Variants in GALNTL6 observed in about 807,000 individuals in gnomAD.
The protein encoded by GALNTL6 is polypeptide N-acetylgalactosaminyltransferase like 6.
GALNTL6 carries 46 observed loss-of-function variants against 73.7 expected under a neutral mutation model. The observed-to-expected ratio is 0.62, with a 90% CI of 0.49 to 0.80. GALNTL6 has a LOEUF of 0.80. GALNTL6 is among the 30% of genes least tolerant of loss of function. GALNTL6 has a pLI of 0.00. For missense variants in GALNTL6, 604 were observed against 755.0 expected (o/e 0.80, Z 2.34); for synonymous variants, 259 against 263.7 (o/e 0.98, Z 0.17).
At chr4:172,408,793 T>G (rs1289787798) in intron 5 of GALNTL6, among the ~76,000 whole-genome samples, 1 of 152,086 alleles carries the variant, frequency 6.6e-6, no homozygotes, top group Non-Finnish European at 1.5e-5. Flanking sequence ...TTGCTGACAC[T>G]GGCTCTACTT....
At chr4:171,952,442 C>T (rs1416323283) in intron 2 of GALNTL6, among the ~76,000 whole-genome samples, 1 of 151,554 alleles carries the variant, frequency 6.6e-6, no homozygotes, top group Non-Finnish European at 1.5e-5. Flanking sequence ...AATTATAAAC[C>T]AATCTCAACT....
chr4:172,658,173 A>G (rs1054974259), intron 5 of GALNTL6, among the ~76,000 whole-genome samples: 3 of 128,274 alleles, frequency 2.3e-5, no homozygotes, highest in Non-Finnish European at 4.9e-5. Flanking sequence ...AAAAAAAGAA[A>G]TATCTTTGTG....
At chr4:172,901,959 C>T (rs936424605) in intron 8 of GALNTL6, among the ~76,000 whole-genome samples, 1 of 152,110 alleles carries the variant, frequency 6.6e-6, no homozygotes, top group African/African-American at 2.4e-5. Flanking sequence ...TCAGAATTAT[C>T]CAACTGTCTT....
intron 5 of GALNTL6, among the ~76,000 whole-genome samples, chr4:172,480,533 A>G (rs571502959): frequency 2.4e-4 from 36 of 152,234 alleles, no homozygotes; most frequent in Non-Finnish European, 4.9e-4. Flanking sequence ...TAGGGATCAT[A>G]CAGATAAAAA....
At chr4:172,439,296 A>G in intron 5 of GALNTL6, among the ~76,000 whole-genome samples, 1 of 151,798 alleles carries the variant, frequency 6.6e-6, no homozygotes, top group Non-Finnish European at 1.5e-5. Flanking sequence ...TGTCAAGATC[A>G]CCAGTGACCC....
intron 2 of GALNTL6, among the ~76,000 whole-genome samples, chr4:172,161,214 C>T (rs1281811253): frequency 6.6e-6 from 1 of 151,716 alleles, no homozygotes; most frequent in Non-Finnish European, 1.5e-5. Context: ...ATGTAACCAC[C>T]ATAGATATTC....
chr4:171,958,443 T>C (rs539191677), intron 2 of GALNTL6, among the ~76,000 whole-genome samples: 8 of 152,074 alleles, frequency 5.3e-5, no homozygotes, highest in African/African-American at 1.9e-4. Context: ...AAAATTTTTG[T>C]TTTTTTAACA....
At chr4:172,329,847 A>C (rs1409474195) in intron 4 of GALNTL6, among the ~76,000 whole-genome samples, 1 of 152,016 alleles carries the variant, frequency 6.6e-6, no homozygotes, top group Non-Finnish European at 1.5e-5. Context: ...GTGGCTAGTG[A>C]CCCCAGCCAG....
intron 8 of GALNTL6, among the ~76,000 whole-genome samples, chr4:172,891,262 T>C (rs933110439): frequency 6.6e-6 from 1 of 152,180 alleles, no homozygotes; most frequent in Non-Finnish European, 1.5e-5. Flanking sequence ...ATAGGGTCTA[T>C]AGACTACATA....
In GALNTL6 at chr4:172,494,603, A is replaced by G. The variant is rs555021258; in HGVS notation, c.553+145914A>G. 2.6e-5 allele frequency among the ~76,000 whole-genome samples: 4 copies of G among 152,312 alleles called. No individual in the cohort carries two copies. The East Asian group carries it at 7.7e-4, about 29-fold the overall frequency. ...GCAGGGAAGCCAGTCCGAGTCCCAA[A>G]ACCACAAAAGTTGAGAAGTCAACAG... On this transcript the variant is annotated intron_variant, in intron 5 of 12. Transcript: ENST00000506823.
rs1052551874 is a variant in GALNTL6, at chr4:171,813,425, G to C, written c.-735G>C. ...CGTGGCAGACACCAGCGACGTCTCC[G>C]CGGAAGGCAGGCGCCGGGGAGTGGG... On this transcript the variant is annotated 5_prime_UTR_variant, in exon 1 of 13. Transcript: ENST00000506823. This position sits in a 1 kb window ranked among gnomAD's most constrained non-coding sequence, Gnocchi z 5.2. 1 of 152,244 alleles carries C rather than the reference G, an allele frequency of 6.6e-6. No homozygotes were observed. 9.4% of individuals were successfully genotyped at this position (152,244 alleles called of 1,614,324 possible).
Position 172,013,556 on chromosome 4 carries a change from CTT to C in GALNTL6, c.138+198841_138+198842del, listed in dbSNP as rs201247742. ...TATTTCACATTTCTCTTTTTAAAAT[CTT>C]TTCTTTTTAATTTTTTGTGGGTACA... is the stretch of plus-strand genomic sequence containing the variant. On this transcript the variant is annotated intron_variant, in intron 2 of 12. Transcript: ENST00000506823. Among the ~76,000 whole-genome samples, 1,452 of 151,652 alleles carry C rather than the reference CTT, an allele frequency of 9.6e-3. 14 individuals carry two copies. Among genetic ancestry groups the C allele is most frequent in the East Asian group, 0.037 (192 of 5,146 alleles).
At chr4:172,684,316 A>T (rs1002503109) in intron 5 of GALNTL6, among the ~76,000 whole-genome samples, 2 of 152,158 alleles carry the variant, frequency 1.3e-5, no homozygotes, top group Non-Finnish European at 2.9e-5. Context: ...ACATCTAGTT[A>T]TATGTTCATT....
intron 5 of GALNTL6, among the ~76,000 whole-genome samples, chr4:172,559,925 C>T (rs1298318909): frequency 6.6e-6 from 1 of 152,078 alleles, no homozygotes; most frequent in Non-Finnish European, 1.5e-5. Flanking sequence ...TTATGCTTTA[C>T]ATAAGAAATA....
At chr4:172,420,299 T>C (rs1327239900) in intron 5 of GALNTL6, among the ~76,000 whole-genome samples, 2 of 152,166 alleles carry the variant, frequency 1.3e-5, no homozygotes, top group Non-Finnish European at 2.9e-5. Flanking sequence ...TTAGGGATAG[T>C]CCGTGGTGTA....
intron 5 of GALNTL6, among the ~76,000 whole-genome samples, chr4:172,553,157 C>CT (rs1736025919): frequency 6.6e-6 from 1 of 152,046 alleles, no homozygotes; most frequent in South Asian, 2.1e-4. Flanking sequence ...GTTTTCTGGC[C>CT]TATACAATTA....
At chr4:171,909,410 C>T (rs1026993614) in intron 2 of GALNTL6, among the ~76,000 whole-genome samples, 39 of 152,118 alleles carry the variant, frequency 2.6e-4, no homozygotes, top group Admixed American at 1.7e-3. Flanking sequence ...CTGATGCTGG[C>T]TTTCACCTTG....
At chr4:171,879,451 G>A (rs1006073939) in intron 2 of GALNTL6, among the ~76,000 whole-genome samples, 1 of 151,728 alleles carries the variant, frequency 6.6e-6, no homozygotes, top group East Asian at 1.9e-4. Flanking sequence ...AGTAGAAGAC[G>A]GCATTAAAAA....
chr4:171,987,843 A>C (rs1407780364), intron 2 of GALNTL6, among the ~76,000 whole-genome samples: 1 of 152,094 alleles, frequency 6.6e-6, no homozygotes, highest in Non-Finnish European at 1.5e-5. Flanking sequence ...AAATGGGGTG[A>C]ATGTCAGGCG....
Sources: gnomAD v4.1 joint callset for allele counts (sites outside exome capture counted in the v4.1 genomes callset) on GRCh38, gnomAD v4.1.1 for gene constraint, Gnocchi (gnomAD v3.1) non-coding constraint, MANE v1.5 for transcripts, NCBI Gene and HGNC (gene_info 2026-07-23, HGNC 2026-07-21) for gene names.